The following PDE11A variants were observed in gnomAD, a reference collection of about 807,000 sequenced individuals.
The protein encoded by PDE11A is phosphodiesterase 11A.
Under a neutral mutation model 100.5 loss-of-function variants are expected in PDE11A, and 100 were observed. The observed-to-expected ratio is 1.00, with a 90% CI of 0.85 to 1.18. The LOEUF (loss-of-function observed/expected upper bound fraction) is 1.18, where lower values mean the gene tolerates loss of function less well. Ranked by LOEUF, PDE11A falls within the 50% of genes most tolerant of loss-of-function variation. The pLI, the probability that PDE11A is intolerant of heterozygous loss-of-function variation, is 0.00. For missense variants in PDE11A, 1,141 were observed against 1,152.6 expected (o/e 0.99, Z 0.15); for synonymous variants, 381 against 420.8 (o/e 0.91, Z 1.16).
chr2:178,097,628 C>T (rs1232049615), intron 2 of PDE11A, among the ~76,000 whole-genome samples: 9 of 152,030 alleles, frequency 5.9e-5, no homozygotes, highest in African/African-American at 9.7e-5. Flanking sequence ...TATCATAGAG[C>T]TACAAAGAAG....
upstream of PDE11A, among the ~76,000 whole-genome samples, chr2:178,076,735 T>C (rs1447820904): frequency 6.6e-6 from 1 of 152,224 alleles, no homozygotes; most frequent in African/African-American, 2.4e-5. Flanking sequence ...AAACAACAAT[T>C]TTCCTACTTC....
intron 1 of PDE11A, among the ~76,000 whole-genome samples, chr2:178,106,688 G>T (rs1358928795): frequency 6.6e-6 from 1 of 152,084 alleles, no homozygotes; most frequent in Non-Finnish European, 1.5e-5. Flanking sequence ...GGCTGGGCAT[G>T]GTAGCTCACA....
intron 17 of PDE11A, among the ~76,000 whole-genome samples, chr2:177,672,155 G>A (rs2105491395): frequency 6.6e-6 from 1 of 152,286 alleles, no homozygotes; most frequent in African/African-American, 2.4e-5. Flanking sequence ...CATGGGAAAG[G>A]GGAGGGGGTA....
chr2:177,834,498 C>G (rs1413856898), intron 6 of PDE11A, among the ~76,000 whole-genome samples: 1 of 152,172 alleles, frequency 6.6e-6, no homozygotes, highest in South Asian at 2.1e-4. Flanking sequence ...CCAATGGTTG[C>G]AGGCATGTGC....
intron 15 of PDE11A, among the ~76,000 whole-genome samples, chr2:177,693,678 A>G (rs2081072427): frequency 6.6e-6 from 1 of 152,210 alleles, no homozygotes; most frequent in African/African-American, 2.4e-5. Flanking sequence ...AATTAAAATG[A>G]CAATGATTTC....
At chr2:177,949,552 A>G (rs1020821584) in intron 2 of PDE11A, among the ~76,000 whole-genome samples, 3 of 152,200 alleles carry the variant, frequency 2.0e-5, no homozygotes, top group African/African-American at 2.4e-5. Flanking sequence ...TTCCTGCTCT[A>G]TTATAAAATG....
chr2:177,889,509 C>T (rs912430077), intron 4 of PDE11A, among the ~76,000 whole-genome samples: 3 of 151,910 alleles, frequency 2.0e-5, no homozygotes, highest in African/African-American at 7.3e-5. Context: ...TTCCATTTGC[C>T]ATGTTCTCTT....
At chr2:177,937,387 G>A (rs1389635130) in intron 2 of PDE11A, among the ~76,000 whole-genome samples, 2 of 140,928 alleles carry the variant, frequency 1.4e-5, no homozygotes, top group African/African-American at 2.6e-5. Context: ...GTGCAATCTC[G>A]GCTCACTACA....
intron 2 of PDE11A, chr2:178,104,262 A>G: frequency 6.4e-7 from 1 of 1,572,132 alleles, no homozygotes; most frequent in Non-Finnish European, 8.8e-7. Context: ...ATTCTTTCCT[A>G]CAGTGTATCT....
intron 2 of PDE11A, among the ~76,000 whole-genome samples, chr2:178,079,700 T>C (rs775560128): frequency 2.0e-5 from 3 of 152,152 alleles, no homozygotes; most frequent in Non-Finnish European, 2.9e-5. Flanking sequence ...TTCTAGATCT[T>C]TGAGGAATAG....
intron 6 of PDE11A, among the ~76,000 whole-genome samples, chr2:177,827,924 G>A (rs1365912188): frequency 3.3e-5 from 5 of 152,134 alleles, no homozygotes; most frequent in African/African-American, 1.2e-4. Flanking sequence ...AAGAAACAGA[G>A]GCAAAGGCGA....
At chr2:177,911,208 C>T (rs1006699257) in intron 2 of PDE11A, among the ~76,000 whole-genome samples, 2 of 152,112 alleles carry the variant, frequency 1.3e-5, no homozygotes, top group Non-Finnish European at 2.9e-5. Context: ...ATAAACTCTT[C>T]AAGTAGAGTA....
intron 19 of PDE11A, among the ~76,000 whole-genome samples, chr2:177,653,137 C>T (rs925218661): frequency 6.6e-6 from 1 of 152,186 alleles, no homozygotes; most frequent in African/African-American, 2.4e-5. Flanking sequence ...TTCTCTGAGG[C>T]TGTTCTGTTT....
At chr2:178,065,440 T>C (rs565645483) in intron 1 of PDE11A, among the ~76,000 whole-genome samples, 1 of 152,340 alleles carries the variant, frequency 6.6e-6, no homozygotes, top group Admixed American at 6.5e-5. Context: ...AAAATTTAGT[T>C]AACCTTAAAT....
intron 2 of PDE11A, among the ~76,000 whole-genome samples, chr2:178,096,229 T>G (rs1422827578): frequency 1.4e-5 from 2 of 147,468 alleles, no homozygotes; most frequent in Admixed American, 6.9e-5. Context: ...AGTGGCATGA[T>G]CTCAGCTCAC....
Position 177,627,999 on chromosome 2 carries a change from T to C in PDE11A, c.*1408A>G, listed in dbSNP as rs985186839. On this transcript the variant is annotated 3_prime_UTR_variant, in exon 20 of 20. Coordinates refer to ENST00000286063, the MANE Select transcript of PDE11A (RefSeq NM_016953.4). ...TCCCTGTGGACCCCCATGTACGTAATCAAAGAGATGAAGGTTTGTAGGTGC... is the reference window on the plus strand; with the variant it reads ...TCCCTGTGGACCCCCATGTACGTAACCAAAGAGATGAAGGTTTGTAGGTGC... The C allele has an allele frequency of 1.3e-5, 2 of 152,192 alleles. No homozygotes were observed. The highest frequency in any genetic ancestry group is 1.5e-5 in the Non-Finnish European group (1 of 68,032). 9.4% of individuals were successfully genotyped at this position (152,192 alleles called of 1,614,324 possible). A position where few individuals can be genotyped will look rare whatever the true frequency, so the allele number is the denominator to read the frequency against.
Position 177,834,336 on chromosome 2 carries a change from A to C in PDE11A, c.1500+5915T>G, listed in dbSNP as rs375759644. Among the ~76,000 whole-genome samples, 478 of 152,342 alleles carry C rather than the reference A, an allele frequency of 3.1e-3. 4 individuals are homozygous for C. Among genetic ancestry groups the C allele is most frequent in the African/African-American group, 0.011 (463 of 41,588 alleles). ...TCAGACTTTTTCTGAAGGCAGAGGA[A>C]ACTGCCCCCTTCCCCACCCCATCAT... is the stretch of plus-strand genomic sequence containing the variant. On this transcript the variant is annotated intron_variant, in intron 6 of 19. Coordinates refer to ENST00000286063, the MANE Select transcript of PDE11A (RefSeq NM_016953.4).
At chr2:177,701,048 A>C in intron 14 of PDE11A, 73 bp downstream of exon 14, 1 of 866,018 alleles carries the variant, frequency 1.2e-6, no homozygotes. Context: ...TGGCACCACA[A>C]AGGAAGAGAG....
intron 5 of PDE11A, among the ~76,000 whole-genome samples, chr2:177,867,948 C>T (rs565111403): frequency 6.6e-6 from 1 of 152,210 alleles, no homozygotes; most frequent in Admixed American, 6.5e-5. Flanking sequence ...TAGAGCTCAT[C>T]CAGTGGTTTG....
Sources: gnomAD v4.1 joint callset for allele counts (sites outside exome capture counted in the v4.1 genomes callset) on GRCh38, gnomAD v4.1.1 for gene constraint, MANE v1.5 for transcripts, NCBI Gene and HGNC (gene_info 2026-07-23, HGNC 2026-07-21) for gene names.